TG: variants seen among roughly 807,000 people sequenced by gnomAD.
TG encodes the protein thyroid hormones.
Under a neutral mutation model 324.7 loss-of-function variants are expected in TG, and 270 were observed. That is an observed-to-expected ratio of 0.83 (90% confidence interval 0.75 to 0.92). TG has a LOEUF of 0.92. Ranked by LOEUF, TG falls within the 40% of genes least tolerant of loss-of-function variation. TG has a pLI of 0.00. For synonymous variants in TG, 1,401 were observed against 1,327.0 expected (o/e 1.06, Z -1.21); for missense variants, 3,591 against 3,456.4 (o/e 1.04, Z -0.98).
intron 41 of TG, among the ~76,000 whole-genome samples, chr8:133,058,709 T>G (rs1841905371): frequency 1.3e-5 from 2 of 152,252 alleles, no homozygotes; most frequent in African/African-American, 4.8e-5. Flanking sequence ...TCAGCCACCC[T>G]GCACGTTGCA....
intron 1 of TG, 102 bp downstream of exon 1, chr8:132,867,169 A>C: frequency 4.0e-6 from 4 of 1,011,576 alleles, no homozygotes; most frequent in Admixed American, 4.6e-5. Context: ...TTTAATCTTC[A>C]CAAATTCCCA....
Position 132,867,792 on chromosome 8 carries a change from C to T in TG, c.68-323C>T, listed in dbSNP as rs534008985. ...GGAATTGCGGCAGGGTGGGGGCGGG[C>T]GGGGAACGTGTAGTCCCAGCGTTGA... On this transcript the variant is annotated intron_variant, in intron 1 of 47. Coordinates refer to ENST00000220616, the MANE Select transcript of TG (RefSeq NM_003235.5). 1.3e-4 allele frequency among the ~76,000 whole-genome samples: 18 copies of T among 135,000 alleles called. No homozygotes were observed. In the South Asian group the frequency reaches 2.4e-3, roughly 18 times the overall value. 88.6% of individuals were successfully genotyped at this position (135,000 alleles called of 152,430 possible). A position where few individuals can be genotyped will look rare whatever the true frequency, so the allele number is the denominator to read the frequency against.
At position 132,967,968 on chromosome 8, in the gene TG, A is replaced by G; in HGVS notation, c.5861A>G (p.Lys1954Arg). 1 of 1,613,436 alleles carries G rather than the reference A, an allele frequency of 6.2e-7. No homozygotes were observed. The highest frequency in any genetic ancestry group is 8.5e-7 in the Non-Finnish European group (1 of 1,179,754). The change falls in exon 31 of 48, where the codon AAA becomes AGA. Residue 1954 changes from lysine (K) to arginine (R), a missense_variant and splice_region_variant. Transcript: ENST00000220616. Reference sequence around the variant, plus strand: ...ATGCCAAAGGCCCTGTTCCGGAAGAAAGGTGAGCACTTGGAGAGATCTGCA... The same window carrying G: ...ATGCCAAAGGCCCTGTTCCGGAAGAGAGGTGAGCACTTGGAGAGATCTGCA... ...PQMPKALFRK[K>R]VILEDKVKNF...
At chr8:132,911,338 C>T in intron 18 of TG, 39 bp from the exon 19 acceptor site, 3 of 1,614,118 alleles carry the variant, frequency 1.9e-6, no homozygotes, top group Middle Eastern at 1.7e-4. Flanking sequence ...TAGCTTTCTA[C>T]TCTGTGTTCT....
In TG at chr8:132,892,656, T is replaced by C. The variant is rs560955998; in HGVS notation, c.2762-1034T>C. Among the ~76,000 whole-genome samples, 3 of 152,174 alleles carry C rather than the reference T, an allele frequency of 2.0e-5. No individual in the cohort carries two copies. In the South Asian group the frequency reaches 6.2e-4, roughly 32 times the overall value. ...TCACGTGTGGGTGTGTATTGTGTAG[T>C]GTGTGTATGTGTGTGCTGTGGTGGG... is the stretch of plus-strand genomic sequence containing the variant. On this transcript the variant is annotated intron_variant, in intron 10 of 47. Transcript: ENST00000220616.
At chr8:132,950,983 G>GAA (rs1408867766) in intron 27 of TG, among the ~76,000 whole-genome samples, 1 of 152,118 alleles carries the variant, frequency 6.6e-6, no homozygotes, top group Non-Finnish European at 1.5e-5. Flanking sequence ...GCAGTTAGGG[G>GAA]ACTTCCCTAG....
Position 132,881,931 on chromosome 8 carries a change from A to G in TG, c.707A>G (p.His236Arg), listed in dbSNP as rs896546844. The G allele has an allele frequency of 3.1e-6, 5 of 1,613,968 alleles. No homozygotes were observed. The Admixed American group carries it at 5.0e-5, about 16-fold the overall frequency. The part of the protein sequence containing the change: ...RRFPEVSGYC[H>R]CADSQGRELA... The stretch of plus-strand genomic sequence containing the variant: ...TTCCCTGAGGTATCTGGGTATTGCC[A>G]CTGTGCTGACAGCCAAGGGCGGGAA... The change falls in exon 6 of 48, where the codon CAC becomes CGC. Residue 236 changes from histidine to arginine, a missense_variant. Transcript: ENST00000220616.
intron 41 of TG, among the ~76,000 whole-genome samples, chr8:133,032,517 G>A (rs935480713): frequency 6.6e-6 from 1 of 152,210 alleles, no homozygotes; most frequent in Admixed American, 6.5e-5. Context: ...ACAAATGGCA[G>A]TGTATTTAAA....
At chr8:133,007,150 C>G (rs1834082610) in intron 35 of TG, among the ~76,000 whole-genome samples, 2 of 151,960 alleles carry the variant, frequency 1.3e-5, no homozygotes, top group South Asian at 2.1e-4. Flanking sequence ...AAAGACAGAG[C>G]CTTTTTAATT....
intron 22 of TG, among the ~76,000 whole-genome samples, 190 bp downstream of exon 22, chr8:132,923,698 T>C (rs923035069): frequency 6.6e-6 from 1 of 152,226 alleles, no homozygotes; most frequent in African/African-American, 2.4e-5. Flanking sequence ...CAAAAATTGT[T>C]AACATTTCAC....
chr8:132,983,811 GAGTTGGAGCTTAC>G, intron 35 of TG: 1 of 339,400 alleles, frequency 2.9e-6, no homozygotes, highest in South Asian at 2.5e-5. Flanking sequence ...TAGTGCAAAA[GAGTTGGAGCTTAC>G]AGTTATCGGC....
chr8:133,074,239 T>C (rs1844522168), intron 41 of TG, among the ~76,000 whole-genome samples: 1 of 152,178 alleles, frequency 6.6e-6, no homozygotes. Context: ...CTCAGATTGT[T>C]ATTAATTATC....
intron 20 of TG, among the ~76,000 whole-genome samples, chr8:132,918,912 G>T (rs1235259313): frequency 6.6e-6 from 1 of 152,164 alleles, no homozygotes; most frequent in Non-Finnish European, 1.5e-5. Context: ...CTGTGAAATG[G>T]GGATAAAATA....
At chr8:132,965,863 T>A (rs941333057) in intron 29 of TG, among the ~76,000 whole-genome samples, 1 of 152,126 alleles carries the variant, frequency 6.6e-6, no homozygotes, top group East Asian at 1.9e-4. Context: ...ACAATCCGAG[T>A]TGAGGCTGAA....
intron 27 of TG, among the ~76,000 whole-genome samples, chr8:132,950,740 T>G (rs1377464582): frequency 6.6e-6 from 1 of 152,200 alleles, no homozygotes; most frequent in Non-Finnish European, 1.5e-5. Flanking sequence ...TAATTGCCTG[T>G]CTATATAATG....
intron 41 of TG, chr8:133,048,835 A>G: frequency 5.4e-6 from 1 of 186,236 alleles, no homozygotes. Flanking sequence ...TTCACAATTA[A>G]GATCATGAAT....
At chr8:132,969,137 G>A (rs1011208909) in intron 31 of TG, among the ~76,000 whole-genome samples, 2 of 152,054 alleles carry the variant, frequency 1.3e-5, no homozygotes, top group Non-Finnish European at 2.9e-5. Flanking sequence ...GATTCCAGAG[G>A]GCAGATGGCG....
intron 43 of TG, among the ~76,000 whole-genome samples, chr8:133,111,161 C>T (rs1041319897): frequency 1.1e-4 from 17 of 152,132 alleles, no homozygotes; most frequent in African/African-American, 3.6e-4. Context: ...TTCCATGGGC[C>T]GAGGTCCCAG....
Position 132,923,273 on chromosome 8 carries a change from G to A in TG, c.4529-65G>A, listed in dbSNP as rs753357422. The A allele has an allele frequency of 3.8e-4, 603 of 1,575,874 alleles. 1 individual carries two copies. The highest frequency in any genetic ancestry group is 4.9e-4 in the Non-Finnish European group (562 of 1,146,988). On this transcript the variant is annotated intron_variant, in intron 21 of 47. Transcript: ENST00000220616. The stretch of plus-strand genomic sequence containing the variant: ...ACACCTTGTCAATGACCGAGAGCCT[G>A]GGAGTAGGAGTCAGGGGATTCCAGA...
Sources: gnomAD v4.1 joint callset for allele counts (sites outside exome capture counted in the v4.1 genomes callset) on GRCh38, gnomAD v4.1.1 for gene constraint, MANE v1.5 for transcripts, NCBI Gene and HGNC (gene_info 2026-07-23, HGNC 2026-07-21) for gene names.